The following COL19A1 variants were observed in gnomAD, a reference collection of about 807,000 sequenced individuals.
COL19A1 encodes the protein collagen type XIX alpha 1 chain.
Under a neutral mutation model 190.2 loss-of-function variants are expected in COL19A1, and 159 were observed. The observed-to-expected ratio is 0.84, with a 90% CI of 0.73 to 0.95. The LOEUF (loss-of-function observed/expected upper bound fraction) is 0.95. Ranked by LOEUF, COL19A1 falls within the 40% of genes least tolerant of loss-of-function variation. The pLI is 0.00. For synonymous variants in COL19A1, 509 were observed against 458.9 expected, an observed-to-expected ratio of 1.11 and a Z score of -1.39; for missense variants, 1,418 against 1,431.9, an observed-to-expected ratio of 0.99 and a Z score of 0.16.
At chr6:70,065,403 G>A (rs1010720831) in intron 14 of COL19A1, among the ~76,000 whole-genome samples, 18 of 152,192 alleles carry the variant, frequency 1.2e-4, no homozygotes, top group African/African-American at 2.2e-4. Flanking sequence ...CGGGCTAGCC[G>A]TATGTAGAAA....
intron 14 of COL19A1, among the ~76,000 whole-genome samples, chr6:70,051,971 G>A (rs944043052): frequency 3.3e-5 from 5 of 151,958 alleles, no homozygotes; most frequent in African/African-American, 9.7e-5. Flanking sequence ...TCAAACAGCC[G>A]AATAGATCCC....
intron 2 of COL19A1, among the ~76,000 whole-genome samples, chr6:69,886,784 T>C (rs1768974137): frequency 6.6e-6 from 1 of 152,202 alleles, no homozygotes; most frequent in East Asian, 1.9e-4. Flanking sequence ...AAAGTGCTCT[T>C]TACTTTATAT....
chr6:70,179,818 T>C lies in COL19A1; in HGVS notation c.2668-494T>C, dbSNP rs570212676. ...AAGAACTGCACCCCAGTCTGAAACT[T>C]ATGGCCTGCGGAGTTGACTATATGT... On this transcript the variant is annotated intron_variant, in intron 42 of 50. Coordinates refer to ENST00000620364, the MANE Select transcript of COL19A1 (RefSeq NM_001858.6). Among the ~76,000 whole-genome samples, 28 of 152,280 alleles carry C rather than the reference T, an allele frequency of 1.8e-4. No homozygotes were observed. The South Asian group carries it at 5.6e-3, about 30-fold the overall frequency.
intron 1 of COL19A1, among the ~76,000 whole-genome samples, chr6:69,877,055 G>T (rs1003948753): frequency 8.5e-5 from 13 of 152,132 alleles, no homozygotes; most frequent in African/African-American, 1.7e-4. Flanking sequence ...GAAGATGGTG[G>T]CTTTAGTTTT....
At chr6:69,898,548 T>C (rs942377959) in intron 2 of COL19A1, among the ~76,000 whole-genome samples, 1 of 152,194 alleles carries the variant, frequency 6.6e-6, no homozygotes, top group South Asian at 2.1e-4. Context: ...TAAAGTTTCA[T>C]ATCAGCCAAC....
At chr6:70,192,163 C>T (rs1238929073) in intron 48 of COL19A1, among the ~76,000 whole-genome samples, 2 of 152,072 alleles carry the variant, frequency 1.3e-5, no homozygotes, top group South Asian at 2.1e-4. Flanking sequence ...TGGGTTCAAG[C>T]GATTCTCCTG....
chr6:69,911,235 T>C (rs1770892067), intron 4 of COL19A1, among the ~76,000 whole-genome samples: 1 of 152,210 alleles, frequency 6.6e-6, no homozygotes, highest in Admixed American at 6.5e-5. Flanking sequence ...TATTGTCATT[T>C]CAATTCTTTC....
chr6:69,894,300 T>C (rs1769566334), intron 2 of COL19A1, among the ~76,000 whole-genome samples: 1 of 152,224 alleles, frequency 6.6e-6, no homozygotes, highest in African/African-American at 2.4e-5. Flanking sequence ...AGGTTTGCTT[T>C]CTTCATTAAG....
At chr6:69,878,364 C>T (rs182444960) in intron 1 of COL19A1, among the ~76,000 whole-genome samples, 18 of 152,054 alleles carry the variant, frequency 1.2e-4, no homozygotes, top group African/African-American at 3.9e-4. Context: ...CAGGTGCCCG[C>T]CACCGTGCCT....
Position 70,176,556 on chromosome 6 carries a change from G to A in COL19A1, c.2659G>A (p.Gly887Arg). 1 of 1,613,376 alleles carries A rather than the reference G, an allele frequency of 6.2e-7. No homozygotes were observed. Among genetic ancestry groups the A allele is most frequent in the Non-Finnish European group, 8.5e-7 (1 of 1,179,670 alleles). ...CCCAGCAGGTCCCCCAGGAATAGCA[G>A]GGATGTCGGTGAGTTCAGATTACTT... The part of the protein sequence containing the change: ...RGPAGPPGIA[G>R]MSGKPGAPGP... Residue 887 changes from glycine (G) to arginine (R), a missense_variant, in exon 42 of 51, where the codon GGG becomes AGG. By Grantham distance (125) the Gly-to-Arg change is moderately radical. Transcript: ENST00000620364.
At chr6:69,895,914 G>A (rs1221947996) in intron 2 of COL19A1, among the ~76,000 whole-genome samples, 1 of 152,044 alleles carries the variant, frequency 6.6e-6, no homozygotes, top group African/African-American at 2.4e-5. Flanking sequence ...AGACTATTAT[G>A]TGTAACGCTG....
intron 9 of COL19A1, among the ~76,000 whole-genome samples, chr6:69,939,903 G>GA (rs1250403670): frequency 6.6e-6 from 1 of 151,842 alleles, no homozygotes; most frequent in Non-Finnish European, 1.5e-5. Context: ...AAAATGCCTT[G>GA]AAAAAAATGC....
At chr6:70,151,371 A>G (rs2150246745) in intron 30 of COL19A1, 26 bp from the exon 31 acceptor site, 2 of 1,609,652 alleles carry the variant, frequency 1.2e-6, no homozygotes, top group Non-Finnish European at 1.7e-6. Flanking sequence ...AAATGCATGT[A>G]TTTGGTTTTA....
intron 2 of COL19A1, among the ~76,000 whole-genome samples, chr6:69,881,626 G>C (rs143237423): frequency 6.6e-6 from 1 of 152,074 alleles, no homozygotes; most frequent in African/African-American, 2.4e-5. Context: ...AATTTACTTC[G>C]CTGAATTAAT....
chr6:69,930,687 A>G (rs1174427532), intron 6 of COL19A1, among the ~76,000 whole-genome samples: 2 of 152,030 alleles, frequency 1.3e-5, no homozygotes, highest in Non-Finnish European at 1.5e-5. Flanking sequence ...ATGTGGTGGC[A>G]CACGCCTGTA....
intron 41 of COL19A1, among the ~76,000 whole-genome samples, 159 bp downstream of exon 41, chr6:70,172,176 A>G (rs1197036424): frequency 6.6e-6 from 1 of 152,226 alleles, no homozygotes; most frequent in Admixed American, 6.5e-5. Context: ...GCAAAAGGAT[A>G]TAGAAACTAA....
chr6:69,923,758 G>T (rs1055800270), intron 4 of COL19A1, among the ~76,000 whole-genome samples: 2 of 152,068 alleles, frequency 1.3e-5, no homozygotes, highest in African/African-American at 2.4e-5. Flanking sequence ...TAAAATCTTT[G>T]GCAAAACTCC....
chr6:70,164,061 A>G (rs900429631), intron 36 of COL19A1, among the ~76,000 whole-genome samples: 7 of 152,154 alleles, frequency 4.6e-5, no homozygotes, highest in African/African-American at 1.7e-4. Context: ...ACTGGCTCTC[A>G]GGACCAAGAT....
intron 16 of COL19A1, among the ~76,000 whole-genome samples, chr6:70,110,152 T>A (rs375754704): frequency 1.7e-4 from 26 of 152,202 alleles, no homozygotes; most frequent in African/African-American, 6.3e-4. Flanking sequence ...ACTGTCTCAG[T>A]GAAACATTTG....
Sources: allele counts gnomAD v4.1 joint callset (sites outside exome capture counted in the v4.1 genomes callset), GRCh38; gene constraint gnomAD v4.1.1; transcripts MANE v1.5; gene names NCBI Gene and HGNC (gene_info 2026-07-23, HGNC 2026-07-21).